SYN3: variants seen among roughly 807,000 people sequenced by gnomAD.
The protein encoded by SYN3 is synapsin III, also known as synapsin-3.
A neutral mutation model predicts 65.8 loss-of-function variants in SYN3; 35 were observed. The ratio of observed to expected loss-of-function variants is 0.53; its 90% confidence interval spans 0.41 to 0.70. The LOEUF (loss-of-function observed/expected upper bound fraction) is 0.70, where lower values mean the gene tolerates loss of function less well. SYN3 is among the 30% of genes least tolerant of loss of function. The pLI is 0.00. For missense variants in SYN3, 680 were observed against 749.0 expected, an observed-to-expected ratio of 0.91 and a Z score of 1.08; for synonymous variants, 270 against 292.9, an observed-to-expected ratio of 0.92 and a Z score of 0.80.
rs375295216 is a variant in SYN3, at chr22:32,840,822, G to A, written c.711+24093C>T. 7.2e-5 allele frequency among the ~76,000 whole-genome samples: 11 copies of A among 152,226 alleles called. No homozygotes were observed. In the East Asian group the frequency reaches 9.7e-4, roughly 13 times the overall value. ...CTTCTTGGCTCTGTCCTGGCTTTCC[G>A]TCCTTGCTTATATTGCTGAGCCTGC... On this transcript the variant is annotated intron_variant, in intron 6 of 13. Transcript: ENST00000358763.
intron 1 of SYN3, among the ~76,000 whole-genome samples, chr22:33,013,486 T>C (rs1026120701): frequency 2.6e-5 from 4 of 152,250 alleles, no homozygotes; most frequent in East Asian, 3.8e-4. Flanking sequence ...TGTTTTGCTA[T>C]GTTTACATTG....
chr22:32,942,365 A>G (rs1012117875), intron 3 of SYN3, among the ~76,000 whole-genome samples: 1 of 152,240 alleles, frequency 6.6e-6, no homozygotes, highest in Non-Finnish European at 1.5e-5. Context: ...GCAAACTCCA[A>G]CAGACCTGCA....
chr22:32,938,090 G>A (rs920871076), intron 3 of SYN3, among the ~76,000 whole-genome samples: 2 of 152,018 alleles, frequency 1.3e-5, no homozygotes, highest in African/African-American at 4.8e-5. Flanking sequence ...AAAAACCAGT[G>A]GTGAAGAGAA....
intron 7 of SYN3, among the ~76,000 whole-genome samples, chr22:32,550,004 G>A (rs2058389235): frequency 6.6e-6 from 1 of 152,002 alleles, no homozygotes; most frequent in African/African-American, 2.4e-5. Flanking sequence ...TATATATCTT[G>A]TTTTTATAAT....
chr22:32,591,259 T>TA (rs1336117173), intron 7 of SYN3, among the ~76,000 whole-genome samples: 1 of 152,090 alleles, frequency 6.6e-6, no homozygotes, highest in Non-Finnish European at 1.5e-5. Flanking sequence ...TAAAAATTGC[T>TA]AAAAACTGAA....
In SYN3 at chr22:32,570,674, G is replaced by T. The variant is rs542173446; in HGVS notation, c.774+26000C>A. ...AAAAAACAGCTTAGAATCTCAGTGT[G>T]AAGGGACGTGAGTTGGCATCTGGTC... On this transcript the variant is annotated intron_variant, in intron 7 of 13. Transcript: ENST00000358763. Among the ~76,000 whole-genome samples the T allele has an allele frequency of 4.6e-5, 7 of 152,236 alleles. No homozygotes were observed. The South Asian group carries it at 1.5e-3, about 32-fold the overall frequency.
intron 7 of SYN3, among the ~76,000 whole-genome samples, chr22:32,559,703 C>T (rs1482908541): frequency 2.0e-5 from 3 of 152,118 alleles, no homozygotes; most frequent in East Asian, 1.9e-4. Context: ...CGGCGGGTGG[C>T]GCCTGTAGTC....
intron 7 of SYN3, among the ~76,000 whole-genome samples, chr22:32,549,520 T>C (rs557195016): frequency 1.3e-5 from 2 of 152,352 alleles, no homozygotes; most frequent in East Asian, 3.9e-4. Context: ...CCCAAAGTGC[T>C]GGGATTACAG....
At chr22:32,602,594 T>C (rs2059301120) in intron 6 of SYN3, among the ~76,000 whole-genome samples, 1 of 152,150 alleles carries the variant, frequency 6.6e-6, no homozygotes, top group African/African-American at 2.4e-5. Flanking sequence ...CCTGAGTAGC[T>C]GGGATTACAG....
intron 6 of SYN3, among the ~76,000 whole-genome samples, chr22:32,702,618 T>G (rs1018165349): frequency 6.6e-6 from 1 of 152,244 alleles, no homozygotes; most frequent in African/African-American, 2.4e-5. Context: ...CCACTTAACA[T>G]ATGTTAACCT....
At position 32,780,908 on chromosome 22, in the gene SYN3, C is replaced by G. The variant is rs71326524; in HGVS notation, c.711+84007G>C. Among the ~76,000 whole-genome samples, 39 of 133,674 alleles carry G rather than the reference C, an allele frequency of 2.9e-4. No individual in the cohort carries two copies. The East Asian group carries it at 3.4e-3, about 12-fold the overall frequency. 87.7% of individuals were successfully genotyped at this position (133,674 alleles called of 152,430 possible). A position where few individuals can be genotyped will look rare whatever the true frequency, so the allele number is the denominator to read the frequency against. ...TATTGCCTGCCTGCCTGCCTGCCTT[C>G]CTTGCTTCCTTCCTTCCTTCCTTCC... On this transcript the variant is annotated intron_variant, in intron 6 of 13. Transcript: ENST00000358763.
chr22:32,539,813 G>T (rs994159097), intron 8 of SYN3, among the ~76,000 whole-genome samples: 1 of 148,656 alleles, frequency 6.7e-6, no homozygotes, highest in African/African-American at 2.5e-5. Flanking sequence ...CTGGGACAAG[G>T]TGTCGTCAAT....
intron 6 of SYN3, among the ~76,000 whole-genome samples, chr22:32,667,794 C>CT (rs1341158081): frequency 8.0e-4 from 119 of 147,892 alleles, no homozygotes; most frequent in South Asian, 3.5e-3. Context: ...TTCTTTCTTT[C>CT]TTTCTTTTTT....
chr22:32,936,694 G>A (rs903465230), intron 3 of SYN3, among the ~76,000 whole-genome samples: 1 of 152,172 alleles, frequency 6.6e-6, no homozygotes, highest in Non-Finnish European at 1.5e-5. Context: ...TGTCAAATGG[G>A]TAGGTTACTC....
chr22:32,612,308 C>T (rs531804794), intron 6 of SYN3, among the ~76,000 whole-genome samples: 1 of 152,278 alleles, frequency 6.6e-6, no homozygotes, highest in East Asian at 1.9e-4. Flanking sequence ...ACCATGGGCA[C>T]CCAAATTTGC....
Position 32,520,122 on chromosome 22 carries a change from C to T in SYN3, c.1319-1788G>A, listed in dbSNP as rs137887479. On this transcript the variant is annotated intron_variant, in intron 12 of 13. Coordinates refer to ENST00000358763, the MANE Select transcript of SYN3 (RefSeq NM_003490.4). ...ACATAATTTTAATAGTGTGTGTGTG[C>T]GTGTATATAGGTATGTATGTATATA... Among the ~76,000 whole-genome samples the T allele has an allele frequency of 4.7e-4, 71 of 151,690 alleles. No homozygotes were observed. The East Asian group carries it at 0.011, about 24-fold the overall frequency.
chr22:32,825,388 C>T (rs1180710609), intron 6 of SYN3, among the ~76,000 whole-genome samples: 1 of 151,878 alleles, frequency 6.6e-6, no homozygotes, highest in East Asian at 1.9e-4. Flanking sequence ...TAGCCAGGCA[C>T]GGTGGCTCAC....
intron 1 of SYN3, among the ~76,000 whole-genome samples, chr22:33,055,057 C>T (rs755851918): frequency 6.6e-6 from 1 of 152,198 alleles, no homozygotes; most frequent in Non-Finnish European, 1.5e-5. Context: ...TCTTTCTTCT[C>T]TCTATTCCAC....
intron 6 of SYN3, among the ~76,000 whole-genome samples, chr22:32,664,220 T>G (rs1466074828): frequency 1.3e-5 from 2 of 152,206 alleles, no homozygotes; most frequent in Non-Finnish European, 2.9e-5. Flanking sequence ...GTGCTCTTCC[T>G]TCTGTCAGAA....
Sources: gnomAD v4.1 joint callset for allele counts (sites outside exome capture counted in the v4.1 genomes callset) on GRCh38, gnomAD v4.1.1 for gene constraint, MANE v1.5 for transcripts, NCBI Gene and HGNC (gene_info 2026-07-23, HGNC 2026-07-21) for gene names.